NFYA: variants seen among roughly 807,000 people sequenced by gnomAD.
NFYA encodes nuclear transcription factor Y subunit alpha.
A neutral mutation model predicts 52.8 loss-of-function variants in NFYA; 28 were observed. The observed-to-expected ratio is 0.53, with a 90% CI of 0.39 to 0.73. The LOEUF is 0.73. Ranked by LOEUF, NFYA falls within the 30% of genes least tolerant of loss-of-function variation. The probability of loss-of-function intolerance (pLI) is 0.00; values close to 1 mark genes in which losing one functional copy is unlikely to be tolerated. For synonymous variants in NFYA, 150 were observed against 150.7 expected, an observed-to-expected ratio of 1.00 and a Z score of 0.03; for missense variants, 234 against 427.0, an observed-to-expected ratio of 0.55 and a Z score of 3.98.
intron 4 of NFYA, among the ~76,000 whole-genome samples, chr6:41,086,979 A>G (rs561913572): frequency 6.6e-6 from 1 of 152,336 alleles, no homozygotes; most frequent in Non-Finnish European, 1.5e-5. Context: ...ACTAAAACAT[A>G]ATATGCATTG....
At chr6:41,089,088 A>G (rs1368186691) in intron 4 of NFYA, among the ~76,000 whole-genome samples, 3 of 151,828 alleles carry the variant, frequency 2.0e-5, no homozygotes, top group Non-Finnish European at 2.9e-5. Context: ...GGTTCAAGTG[A>G]TTTTCCGGCC....
rs144463178 is a variant in NFYA at position 41,088,610 on chromosome 6, T to C, written c.310-969T>C. 3.8e-3 allele frequency among the ~76,000 whole-genome samples: 580 copies of C among 152,076 alleles called. 11 individuals are homozygous for C. In the South Asian group the frequency reaches 0.06, roughly 16 times the overall value. On this transcript the variant is annotated intron_variant, in intron 4 of 9. Coordinates refer to ENST00000341376, the MANE Select transcript of NFYA (RefSeq NM_002505.5). ...TCTTTGTTTGTTTTTTTGAGACAGT[T>C]ACTCGCTCTGTTGCCTAGGCTGGAA...
chr6:41,082,661 A>C (rs910775417), intron 3 of NFYA, among the ~76,000 whole-genome samples: 1 of 152,152 alleles, frequency 6.6e-6, no homozygotes, highest in African/African-American at 2.4e-5. Context: ...TCCTCTAGGG[A>C]TCTGATTATT....
Position 41,097,565 on chromosome 6 carries a change from G to A in NFYA, c.*155G>A. On this transcript the variant is annotated 3_prime_UTR_variant, in exon 10 of 10. Coordinates refer to ENST00000341376, the MANE Select transcript of NFYA (RefSeq NM_002505.5). ...TAATAAGTGGCTCAGTATTACAATT[G>A]CAGCGATGCCTGGCAAATTGAAGTT... 1.4e-6 allele frequency: 1 copy of A among 695,558 alleles called. No homozygotes were observed. The highest frequency in any genetic ancestry group is 2.4e-6 in the Non-Finnish European group (1 of 415,358). 43.1% of individuals were successfully genotyped at this position (695,558 alleles called of 1,614,324 possible).
chr6:41,097,283 G>T (rs569500451), intron 9 of NFYA, 74 bp from the exon 10 acceptor site: 9 of 1,340,150 alleles, frequency 6.7e-6, no homozygotes, highest in African/African-American at 1.4e-5. Context: ...CTCTTGGGGG[G>T]ATAAGTAGTG....
chr6:41,093,057 C>G lies in NFYA; in HGVS notation c.860C>G (p.Ala287Gly). 2 of 1,613,888 alleles carry G rather than the reference C, an allele frequency of 1.2e-6. No homozygotes were observed. The highest frequency in any genetic ancestry group is 1.7e-6 in the Non-Finnish European group (2 of 1,179,936). ...AGGCAAGCCCGAGCTAAACTAGAGG[C>G]AGAAGGGAAAATTCCAAAGGAGAGA... ...KRRQARAKLE[A>G]EGKIPKERRK... is the part of the protein sequence containing the mutation. Residue 287 changes from alanine (A) to glycine (G), a missense_variant, in exon 8 of 10, where the codon GCA becomes GGA. This residue lies in a region of NFYA where 81 missense variants were observed against 210.5 expected (regional missense o/e 0.38). Coordinates refer to ENST00000341376, the MANE Select transcript of NFYA (RefSeq NM_002505.5).
chr6:41,098,833 G>C lies in NFYA; in HGVS notation c.*1423G>C, dbSNP rs563733610. 1 of 152,632 alleles carries C rather than the reference G, an allele frequency of 6.6e-6. No individual in the cohort carries two copies. The highest frequency in any genetic ancestry group is 1.5e-5 in the Non-Finnish European group (1 of 68,048). 9.5% of individuals were successfully genotyped at this position (152,632 alleles called of 1,614,324 possible). On this transcript the variant is annotated 3_prime_UTR_variant, in exon 10 of 10. Transcript: ENST00000341376. ...GGAACTGGGCCACTGTTCCCAGAAC[G>C]GGTTGTGCCTCAGAAATCTATTTCT...
chr6:41,084,257 C>A (rs2113801019), intron 4 of NFYA, 65 bp downstream of exon 4: 1 of 1,545,218 alleles, frequency 6.5e-7, no homozygotes, highest in East Asian at 2.3e-5. Context: ...TAGATTATTA[C>A]AACCTATTTG....
Position 41,097,598 on chromosome 6 carries a change from T to A in NFYA, c.*188T>A, listed in dbSNP as rs2113828516. 1.7e-6 allele frequency: 1 copy of A among 586,994 alleles called. No individual in the cohort carries two copies. The allele number at this position is 586,994 out of a possible 1,614,324, so 36.4% of individuals were successfully genotyped here. On this transcript the variant is annotated 3_prime_UTR_variant, in exon 10 of 10. Coordinates refer to ENST00000341376, the MANE Select transcript of NFYA (RefSeq NM_002505.5). ...GCCTGGCAAATTGAAGTTGCAAGCC[T>A]TTGTCTTACTCTTTCAGTCAGGACC...
In NFYA at chr6:41,078,623, A is replaced by G. The variant is rs887190987; in HGVS notation, c.-61-406A>G. Among the ~76,000 whole-genome samples the G allele has an allele frequency of 8.5e-5, 13 of 152,210 alleles. 1 individual carries two copies. Among genetic ancestry groups the G allele is most frequent in the Non-Finnish European group, 1.6e-4 (11 of 68,048 alleles). On this transcript the variant is annotated intron_variant, in intron 1 of 9. Coordinates refer to ENST00000341376, the MANE Select transcript of NFYA (RefSeq NM_002505.5). ...AGGGTAAATTTTGCCTACCATATGT[A>G]GTGGACCTGAGTAACATGTTTGGTG...
chr6:41,096,050 T>C (rs1764348046), intron 9 of NFYA, among the ~76,000 whole-genome samples: 1 of 152,212 alleles, frequency 6.6e-6, no homozygotes, highest in South Asian at 2.1e-4. Context: ...TCTCCTCTAA[T>C]TGGCCTTATA....
rs1251620490 is a variant in NFYA at position 41,072,982 on chromosome 6, G to C, written c.-164G>C. 6.4e-5 allele frequency: 10 copies of C among 155,054 alleles called. No individual in the cohort carries two copies. In the East Asian group the frequency reaches 1.9e-3, roughly 30 times the overall value. The allele number at this position is 155,054 out of a possible 1,614,324, so 9.6% of individuals were successfully genotyped here. On this transcript the variant is annotated 5_prime_UTR_variant, in exon 1 of 10. Transcript: ENST00000341376. ...TTCGGGTTCGCCATTTTGCTAGGCA[G>C]CGGCAGTGGCGGCGGCAGCGGCGGC...
chr6:41,096,737 A>G (rs536195297), intron 9 of NFYA, among the ~76,000 whole-genome samples: 4 of 152,166 alleles, frequency 2.6e-5, no homozygotes, highest in Middle Eastern at 6.8e-3. Context: ...TCCTTGTGTT[A>G]ACACGGTAGG....
chr6:41,077,243 T>C (rs1350567370), intron 1 of NFYA, among the ~76,000 whole-genome samples: 3 of 152,324 alleles, frequency 2.0e-5, no homozygotes, highest in Non-Finnish European at 1.5e-5. Flanking sequence ...AGAGATACTT[T>C]AGAAACAAAG....
chr6:41,087,462 AT>A (rs1358004047), intron 4 of NFYA, among the ~76,000 whole-genome samples: 1 of 152,198 alleles, frequency 6.6e-6, no homozygotes, highest in Non-Finnish European at 1.5e-5. Flanking sequence ...CCAAGTTGAA[AT>A]TATGGATGGA....
At chr6:41,084,962 A>G (rs1157077938) in intron 4 of NFYA, among the ~76,000 whole-genome samples, 6 of 152,108 alleles carry the variant, frequency 3.9e-5, no homozygotes, top group Non-Finnish European at 8.8e-5. Context: ...TTCTGTCTCA[A>G]AAAAAAAGAA....
rs372784465 is a variant in NFYA, at chr6:41,098,461, A to G, written c.*1051A>G. On this transcript the variant is annotated 3_prime_UTR_variant, in exon 10 of 10. Transcript: ENST00000341376. ...TCCAGTGGATGGATACCTGGAATGG[A>G]TCATTAAGATGAAGAGAGTAATTCA... is the stretch of plus-strand genomic sequence containing the variant. The G allele has an allele frequency of 2.0e-5, 3 of 152,202 alleles. No individual in the cohort carries two copies. Among genetic ancestry groups the G allele is most frequent in the East Asian group, 3.9e-4 (2 of 5,188 alleles). 9.4% of individuals were successfully genotyped at this position (152,202 alleles called of 1,614,324 possible).
chr6:41,078,086 G>C (rs950397473), intron 1 of NFYA, among the ~76,000 whole-genome samples: 7 of 152,092 alleles, frequency 4.6e-5, no homozygotes, highest in Non-Finnish European at 5.9e-5. Flanking sequence ...ATACCTGCCA[G>C]TTAGGGTCTA....
At chr6:41,078,251 T>TCTCAA (rs1763794071) in intron 1 of NFYA, among the ~76,000 whole-genome samples, 1 of 152,220 alleles carries the variant, frequency 6.6e-6, no homozygotes, top group Non-Finnish European at 1.5e-5. Flanking sequence ...TCACACTGTA[T>TCTCAA]TGAGACACCT....
Sources: gnomAD v4.1 joint callset for allele counts (sites outside exome capture counted in the v4.1 genomes callset) on GRCh38, gnomAD v4.1.1 for gene constraint, gnomAD v4.1.1 regional missense constraint, MANE v1.5 for transcripts, NCBI Gene and HGNC (gene_info 2026-07-23, HGNC 2026-07-21) for gene names.